Variants in PHF20 observed in about 807,000 individuals in gnomAD.
PHF20 encodes the protein PHD finger protein 20, also known as glioma-expressed antigen 2.
Under a neutral mutation model 113.5 loss-of-function variants are expected in PHF20, and 23 were observed. That is an observed-to-expected ratio of 0.20 (90% CI 0.15 to 0.29). The LOEUF (loss-of-function observed/expected upper bound fraction) is 0.29. PHF20 is among the 10% of genes least tolerant of loss of function. The probability of loss-of-function intolerance (pLI) is 1.00; values close to 1 mark genes in which losing one functional copy is unlikely to be tolerated. For missense variants in PHF20, 943 were observed against 1,219.6 expected (o/e 0.77, Z 3.38); for synonymous variants, 434 against 457.3 (o/e 0.95, Z 0.65).
At chr20:35,917,274 T>C (rs1041367292) in intron 12 of PHF20, 33 of 660,668 alleles carry the variant, frequency 5.0e-5, no homozygotes, top group Non-Finnish European at 8.8e-5. Context: ...AATGAGGAAG[T>C]GGAGTTGAGT....
At chr20:35,827,398 G>A (rs1250691863) in intron 2 of PHF20, among the ~76,000 whole-genome samples, 2 of 152,218 alleles carry the variant, frequency 1.3e-5, no homozygotes, top group East Asian at 1.9e-4. Context: ...GGCTAGCCAC[G>A]CAGTTAAGTA....
chr20:35,822,142 G>A (rs73095515), intron 2 of PHF20, among the ~76,000 whole-genome samples: 6,483 of 152,292 alleles, frequency 0.043, 217 homozygotes, highest in Admixed American at 0.069. Context: ...GGTGGCTCAC[G>A]CCTGTAATCC....
rs1443394927 is a variant in PHF20 at position 35,947,685 on chromosome 20, C to A, written c.*58C>A. 6.4e-7 allele frequency: 1 copy of A among 1,551,096 alleles called. No individual in the cohort carries two copies. Among genetic ancestry groups the A allele is most frequent in the Non-Finnish European group, 8.8e-7 (1 of 1,130,880 alleles). On this transcript the variant is annotated 3_prime_UTR_variant, in exon 18 of 18. Transcript: ENST00000374012. ...CCTGGGGCACCTGCAGGAGGAGCTT[C>A]GCATATTTAAATAAATAAACCTAGC...
At chr20:35,913,950 G>A (rs1035420617) in intron 11 of PHF20, 83 bp from the exon 12 acceptor site, 65 of 1,355,420 alleles carry the variant, frequency 4.8e-5, no homozygotes, top group Non-Finnish European at 6.2e-5. Flanking sequence ...TGAAAAGGAG[G>A]CTTGTTGGTT....
At chr20:35,802,621 GA>G (rs1175512350) in intron 2 of PHF20, among the ~76,000 whole-genome samples, 1 of 152,116 alleles carries the variant, frequency 6.6e-6, no homozygotes, top group East Asian at 1.9e-4. Context: ...AGCTGGTACA[GA>G]AAACTGTCTT....
intron 4 of PHF20, among the ~76,000 whole-genome samples, chr20:35,854,812 G>A (rs1418407323): frequency 6.6e-6 from 1 of 152,170 alleles, no homozygotes; most frequent in Non-Finnish European, 1.5e-5. Context: ...GAGGTCAGTA[G>A]ACAGGCTTGG....
chr20:35,925,202 C>G (rs2055602390), intron 13 of PHF20, among the ~76,000 whole-genome samples: 1 of 148,930 alleles, frequency 6.7e-6, no homozygotes, highest in Admixed American at 6.7e-5. Flanking sequence ...CATTTCCCAG[C>G]TGTTAATTTT....
intron 8 of PHF20, 83 bp from the exon 9 acceptor site, chr20:35,871,567 G>C: frequency 8.5e-7 from 1 of 1,172,934 alleles, no homozygotes; most frequent in Non-Finnish European, 1.2e-6. Flanking sequence ...AAAAGTCCCT[G>C]GCTTTCTTAG....
At chr20:35,853,997 G>A (rs986574957) in intron 4 of PHF20, among the ~76,000 whole-genome samples, 1 of 151,778 alleles carries the variant, frequency 6.6e-6, no homozygotes, top group African/African-American at 2.4e-5. Context: ...CAAGTGATCC[G>A]CCCGCCTCCA....
At chr20:35,882,984 C>G (rs1019750204) in intron 9 of PHF20, among the ~76,000 whole-genome samples, 1 of 147,988 alleles carries the variant, frequency 6.8e-6, no homozygotes, top group Non-Finnish European at 1.5e-5. Context: ...GCCAAGATCA[C>G]GTTATTGCAC....
Position 35,910,709 on chromosome 20 carries a change from A to C in PHF20, c.1562-2540A>C, listed in dbSNP as rs1009470363. ...AGTGGCACGATCTCAACTCACTACA[A>C]CCTCTGCCTCCTGGGCTCAAGCGAT... On this transcript the variant is annotated intron_variant, in intron 10 of 17. Coordinates refer to ENST00000374012, the MANE Select transcript of PHF20 (RefSeq NM_016436.5). Among the ~76,000 whole-genome samples the C allele has an allele frequency of 3.3e-5, 5 of 151,306 alleles. No individual in the cohort carries two copies. The East Asian group carries it at 9.8e-4, about 30-fold the overall frequency.
chr20:35,849,332 A>G, intron 4 of PHF20: 2 of 414,462 alleles, frequency 4.8e-6, no homozygotes, highest in Non-Finnish European at 9.7e-6. Flanking sequence ...ATGAAGGCTT[A>G]GTAATCTACT....
At chr20:35,882,488 C>T (rs1431367689) in intron 9 of PHF20, among the ~76,000 whole-genome samples, 1 of 152,198 alleles carries the variant, frequency 6.6e-6, no homozygotes. Flanking sequence ...AGTGTAATGG[C>T]ATGATCATAG....
intron 2 of PHF20, among the ~76,000 whole-genome samples, chr20:35,803,684 A>ATGTGTGTGTG (rs11472633): frequency 0.041 from 5,867 of 144,322 alleles, 138 homozygotes; most frequent in African/African-American, 0.069. Flanking sequence ...GTATATATAT[A>ATGTGTGTGTG]TGTGTGTGTG....
At position 35,831,379 on chromosome 20, in the gene PHF20, A is replaced by G. The variant is rs552414848; in HGVS notation, c.84-11194A>G. Reference sequence around the variant, plus strand: ...GATGGGGTCTCCCTATGTTTCCCATACTGATCTCAAACTCCTGGGCTCAGG... The same window carrying G: ...GATGGGGTCTCCCTATGTTTCCCATGCTGATCTCAAACTCCTGGGCTCAGG... On this transcript the variant is annotated intron_variant, in intron 2 of 17. Transcript: ENST00000374012. 9.9e-5 allele frequency among the ~76,000 whole-genome samples: 15 copies of G among 152,226 alleles called. No individual in the cohort carries two copies. The East Asian group carries it at 2.9e-3, about 29-fold the overall frequency.
chr20:35,881,423 C>T (rs756563055), intron 9 of PHF20, among the ~76,000 whole-genome samples: 2 of 151,520 alleles, frequency 1.3e-5, no homozygotes, highest in African/African-American at 2.4e-5. Context: ...CGCCTGTAAT[C>T]CCAGCTACTT....
At chr20:35,902,909 G>C (rs570926646) in intron 10 of PHF20, among the ~76,000 whole-genome samples, 27 of 152,138 alleles carry the variant, frequency 1.8e-4, no homozygotes, top group African/African-American at 5.3e-4. Context: ...GGCAGTCAGA[G>C]ATCTGAGTTC....
At chr20:35,849,728 G>A (rs944901278) in intron 4 of PHF20, among the ~76,000 whole-genome samples, 1 of 151,990 alleles carries the variant, frequency 6.6e-6, no homozygotes, top group African/African-American at 2.4e-5. Context: ...CCAGCTTAAT[G>A]GCCCTGCGAG....
At chr20:35,809,061 G>A (rs1405409364) in intron 2 of PHF20, among the ~76,000 whole-genome samples, 1 of 150,836 alleles carries the variant, frequency 6.6e-6, no homozygotes, top group Non-Finnish European at 1.5e-5. Flanking sequence ...GACCAGCATG[G>A]TGAAACCCCG....
Sources: allele counts gnomAD v4.1 joint callset (sites outside exome capture counted in the v4.1 genomes callset), GRCh38; gene constraint gnomAD v4.1.1; transcripts MANE v1.5; gene names NCBI Gene and HGNC (gene_info 2026-07-23, HGNC 2026-07-21).